Variants in ANKS3 observed in about 807,000 individuals in gnomAD.
The protein encoded by ANKS3 is ankyrin repeat and SAM domain-containing protein 3.
ANKS3 carries 62 observed loss-of-function variants against 80.7 expected under a neutral mutation model. The observed-to-expected ratio is 0.77, with a 90% CI of 0.63 to 0.95. The LOEUF (loss-of-function observed/expected upper bound fraction) is 0.95. ANKS3 is among the 40% of genes least tolerant of loss of function. ANKS3 has a pLI of 0.00. For missense variants in ANKS3, 1,150 were observed against 883.6 expected (o/e 1.30, Z -3.82); for synonymous variants, 489 against 355.3 (o/e 1.38, Z -4.23).
chr16:4,726,645 G>T lies in ANKS3; in HGVS notation c.491+14C>A, dbSNP rs1472346180. The T allele has an allele frequency of 1.9e-6, 3 of 1,612,348 alleles. No individual in the cohort carries two copies. The highest frequency in any genetic ancestry group is 1.7e-5 in the Admixed American group (1 of 59,998). ...CTAGGCCACTCCTGTGGCCACTAAA[G>T]ATGTGGCAATCACCTCACGTTGGCA... is the stretch of plus-strand genomic sequence containing the variant. On this transcript the variant is annotated intron_variant, in intron 5 of 17. Transcript: ENST00000304283.
In ANKS3 at chr16:4,699,025, G is replaced by C. The variant is rs369639876; in HGVS notation, c.1409+27C>G. On this transcript the variant is annotated intron_variant, in intron 12 of 17. Coordinates refer to ENST00000304283, the MANE Select transcript of ANKS3 (RefSeq NM_133450.4). ...GGAGTTTGCCCCAACCCCGGGCTGA[G>C]GGCCAGAGCGGCCCTTCTGGACGCA... is the stretch of plus-strand genomic sequence containing the variant. 4.5e-5 allele frequency: 72 copies of C among 1,614,060 alleles called. No homozygotes were observed. In the African/African-American group the frequency reaches 9.3e-4, roughly 21 times the overall value.
intron 14 of ANKS3, 138 bp downstream of exon 14, chr16:4,698,289 T>C: frequency 1.6e-6 from 2 of 1,283,486 alleles, no homozygotes; most frequent in Non-Finnish European, 2.1e-6. Flanking sequence ...AAGGGCCTGA[T>C]GAAATGGGGG....
intron 9 of ANKS3, 22 bp from the exon 10 acceptor site, chr16:4,701,565 G>A (rs756991571): frequency 2.3e-5 from 36 of 1,592,390 alleles, no homozygotes; most frequent in South Asian, 1.5e-4. Flanking sequence ...AAGACAGGGC[G>A]TCCGCCTGCA....
At chr16:4,716,636 G>A (rs2080812838) in intron 6 of ANKS3, among the ~76,000 whole-genome samples, 1 of 151,956 alleles carries the variant, frequency 6.6e-6, no homozygotes, top group Admixed American at 6.6e-5. Context: ...ATAATTTATA[G>A]GCCGGGCACA....
chr16:4,733,330 T>C (rs1481946619), intron 1 of ANKS3, among the ~76,000 whole-genome samples: 1 of 151,940 alleles, frequency 6.6e-6, no homozygotes, highest in Non-Finnish European at 1.5e-5. Flanking sequence ...CTCACTCTGT[T>C]ACCCAGGCTA....
intron 6 of ANKS3, among the ~76,000 whole-genome samples, chr16:4,719,956 G>A (rs2081001467): frequency 6.6e-6 from 1 of 151,156 alleles, no homozygotes; most frequent in Non-Finnish European, 1.5e-5. Context: ...GAGGTCAGGA[G>A]TTCGAGACCA....
rs1286618833 is a variant in ANKS3, at chr16:4,714,072, T to G, written c.688A>C (p.Lys230Gln). 1.2e-6 allele frequency: 2 copies of G among 1,614,132 alleles called. No homozygotes were observed. Among genetic ancestry groups the G allele is most frequent in the East Asian group, 2.2e-5 (1 of 44,880 alleles). The change falls in exon 7 of 18, where the codon AAG (lysine) becomes CAG (glutamine). Residue 230 changes from lysine (K) to glutamine (Q), a missense_variant. Coordinates refer to ENST00000304283, the MANE Select transcript of ANKS3 (RefSeq NM_133450.4). ...GTACCTGGGCTCCGATAGAGGCTCT[T>G]GGGCAGAGAGGGCGAGTAAGTGTCC... ...LMDTYSPSLP[K>Q]SLYRSPEKYE...
At chr16:4,733,355 G>A (rs2081763969) in intron 1 of ANKS3, among the ~76,000 whole-genome samples, 1 of 151,854 alleles carries the variant, frequency 6.6e-6, no homozygotes, top group African/African-American at 2.4e-5. Context: ...GCAGCGGCGT[G>A]ATCTCGGCTC....
rs180988451 is a variant in ANKS3, at chr16:4,705,109, G to A, written c.854C>T (p.Pro285Leu). ...ITGIGLGGRA[P>L]RPRYEQAPPR... ...GGGCCACTCACCATAGCGAGGCCGT[G>A]GGGCTCTGCCGCCCAGGCCAATGCC... The change falls in exon 8 of 18, where the codon CCA (proline) becomes CTA (leucine). Residue 285 changes from proline to leucine, a missense_variant. Physicochemically the swap from Pro to Leu is moderately conservative, Grantham distance 98 (BLOSUM62 -3). Coordinates refer to ENST00000304283, the MANE Select transcript of ANKS3 (RefSeq NM_133450.4). The A allele has an allele frequency of 6.2e-7, 1 of 1,612,680 alleles. No homozygotes were observed. The highest frequency in any genetic ancestry group is 1.7e-5 in the Admixed American group (1 of 60,008).
chr16:4,723,162 A>G (rs2081188270), intron 6 of ANKS3, among the ~76,000 whole-genome samples: 2 of 152,166 alleles, frequency 1.3e-5, no homozygotes, highest in Admixed American at 6.6e-5. Flanking sequence ...ACAGCCTTAT[A>G]AAGATATAAT....
intron 11 of ANKS3, chr16:4,699,458 T>C (rs774053896): frequency 8.7e-6 from 4 of 458,330 alleles, no homozygotes; most frequent in East Asian, 4.0e-5. Context: ...GAAGGGACCA[T>C]GGAGCTGCTG....
chr16:4,732,049 G>A (rs532258368), intron 1 of ANKS3, among the ~76,000 whole-genome samples: 11 of 152,276 alleles, frequency 7.2e-5, no homozygotes, highest in African/African-American at 1.7e-4. Context: ...CCAAGCCCCA[G>A]GTGACAGCCA....
intron 7 of ANKS3, among the ~76,000 whole-genome samples, chr16:4,711,900 A>C (rs1386324571): frequency 6.6e-6 from 1 of 152,146 alleles, no homozygotes; most frequent in African/African-American, 2.4e-5. Flanking sequence ...TCGAGGAACC[A>C]CCTCACAGAA....
chr16:4,702,014 G>C lies in ANKS3; in HGVS notation c.1009+88C>G. 4 of 1,443,294 alleles carry C rather than the reference G, an allele frequency of 2.8e-6. No individual in the cohort carries two copies. The South Asian group carries it at 5.5e-5, about 20-fold the overall frequency. 89.4% of individuals were successfully genotyped at this position (1,443,294 alleles called of 1,614,324 possible). A position where few individuals can be genotyped will look rare whatever the true frequency, so the allele number is the denominator to read the frequency against. On this transcript the variant is annotated intron_variant, in intron 9 of 17. Transcript: ENST00000304283. ...CCTCTGCTGGATGGCTGTGTCCAGC[G>C]CCAGGCCCAGGGGATAAGTGGGGAT...
Position 4,730,311 on chromosome 16 carries a change from G to C in ANKS3, c.-2-160C>G. 3 of 627,146 alleles carry C rather than the reference G, an allele frequency of 4.8e-6. No homozygotes were observed. In the East Asian group the frequency reaches 1.0e-4, roughly 21 times the overall value. The allele number at this position is 627,146 out of a possible 1,614,324, so 38.8% of individuals were successfully genotyped here. A position where few individuals can be genotyped will look rare whatever the true frequency, so the allele number is the denominator to read the frequency against. On this transcript the variant is annotated intron_variant, in intron 2 of 17. Coordinates refer to ENST00000304283, the MANE Select transcript of ANKS3 (RefSeq NM_133450.4). ...AGACAAATTTATTTGCTGAAATAAT[G>C]TATGCTTTGGGCAGTCCCAACCATG... is the stretch of plus-strand genomic sequence containing the variant.
In ANKS3 at chr16:4,728,523, G is replaced by C. The variant is rs574867859; in HGVS notation, c.171-1346C>G. 2.0e-3 allele frequency among the ~76,000 whole-genome samples: 307 copies of C among 152,244 alleles called. 2 individuals carry two copies. The highest frequency in any genetic ancestry group is 7.1e-3 in the African/African-American group (293 of 41,544). Reference sequence around the variant, plus strand: ...CTGCAGCAGGGCTCGAATGCACCCAGCTCGTCCTAACACTATCTTCCTTTA... The same window carrying C: ...CTGCAGCAGGGCTCGAATGCACCCACCTCGTCCTAACACTATCTTCCTTTA... On this transcript the variant is annotated intron_variant, in intron 3 of 17. Transcript: ENST00000304283.
rs572141497 is a variant in ANKS3 at position 4,701,292 on chromosome 16, C to A, written c.1119+142G>T. Reference sequence around the variant, plus strand: ...GTTCGCTGTCGTCTGAGAAGCCAGACCCTGGACACAGCACGTCCCAGTGCA... The same window carrying A: ...GTTCGCTGTCGTCTGAGAAGCCAGAACCTGGACACAGCACGTCCCAGTGCA... On this transcript the variant is annotated intron_variant, in intron 10 of 17. Coordinates refer to ENST00000304283, the MANE Select transcript of ANKS3 (RefSeq NM_133450.4). 5.8e-5 allele frequency: 80 copies of A among 1,373,492 alleles called. No individual in the cohort carries two copies. In the South Asian group the frequency reaches 9.7e-4, roughly 17 times the overall value. The allele number at this position is 1,373,492 out of a possible 1,614,324, so 85.1% of individuals were successfully genotyped here.
In ANKS3 at chr16:4,726,733, G is replaced by C. The variant is rs1193287297; in HGVS notation, c.417C>G (p.Leu139=). 6.2e-7 allele frequency: 1 copy of C among 1,614,224 alleles called. No homozygotes were observed. Among genetic ancestry groups the C allele is most frequent in the Non-Finnish European group, 8.5e-7 (1 of 1,180,032 alleles). The change falls in exon 5 of 18, where the codon CTC becomes CTG. Residue 139 remains leucine (L), a synonymous_variant. Coordinates refer to ENST00000304283, the MANE Select transcript of ANKS3 (RefSeq NM_133450.4). The stretch of plus-strand genomic sequence containing the variant: ...GGTGCCCGGCGCTGGTACAGTGGAA[G>C]AGGGCTGTCCAGCCCTGGATGTCTT... ...EMKDIQGWTA[L]FHCTSAGHQH... is the part of the protein sequence containing the mutation.
chr16:4,720,459 C>T (rs2081032446), intron 6 of ANKS3, among the ~76,000 whole-genome samples: 1 of 147,480 alleles, frequency 6.8e-6, no homozygotes, highest in African/African-American at 2.5e-5. Flanking sequence ...GAGACTCCAT[C>T]TCAAAAAAAA....
Sources: allele counts gnomAD v4.1 joint callset (sites outside exome capture counted in the v4.1 genomes callset), GRCh38; gene constraint gnomAD v4.1.1; transcripts MANE v1.5; gene names NCBI Gene and HGNC (gene_info 2026-07-23, HGNC 2026-07-21).